Variants in PTPRN2 observed in about 807,000 individuals in gnomAD.
PTPRN2 encodes receptor-type tyrosine-protein phosphatase N2.
In PTPRN2, 74 loss-of-function variants were observed where a neutral mutation model predicts 118.8. The ratio of observed to expected loss-of-function variants is 0.62; its 90% confidence interval spans 0.52 to 0.76. The LOEUF (loss-of-function observed/expected upper bound fraction) is 0.76. Ranked by LOEUF, PTPRN2 falls within the 30% of genes least tolerant of loss-of-function variation. The pLI, the probability that PTPRN2 is intolerant of heterozygous loss-of-function variation, is 0.00. For missense variants in PTPRN2, 1,481 were observed against 1,394.4 expected (o/e 1.06, Z -0.99); for synonymous variants, 641 against 608.0 (o/e 1.05, Z -0.80).
chr7:158,498,009 T>TTCG (rs1405247478), intron 1 of PTPRN2, among the ~76,000 whole-genome samples: 2 of 152,234 alleles, frequency 1.3e-5, no homozygotes, highest in Non-Finnish European at 2.9e-5. Context: ...GCCCCTCCAA[T>TTCG]TCACCTCCAC....
At position 158,152,173 on chromosome 7, in the gene PTPRN2, C is replaced by CAAAAAAAA. The variant is rs56870265; in HGVS notation, c.911-13666_911-13659dup. Among the ~76,000 whole-genome samples the CAAAAAAAA allele has an allele frequency of 2.8e-3, 234 of 82,958 alleles. 7 individuals carry two copies. Among genetic ancestry groups the CAAAAAAAA allele is most frequent in the African/African-American group, 3.6e-3 (79 of 21,744 alleles). 54.4% of individuals were successfully genotyped at this position (82,958 alleles called of 152,430 possible). On this transcript the variant is annotated intron_variant, in intron 6 of 22. Coordinates refer to ENST00000389418, the MANE Select transcript of PTPRN2 (RefSeq NM_002847.5). ...TGGGTGAAAGAGTGAGACTCTGTCT[C>CAAAAAAAA]AAAAAAAAAAAAAAAAAACCATGAA...
intron 12 of PTPRN2, among the ~76,000 whole-genome samples, chr7:157,753,228 T>C (rs1350278394): frequency 6.6e-6 from 1 of 152,202 alleles, no homozygotes; most frequent in Non-Finnish European, 1.5e-5. Context: ...GGCAGTGCCA[T>C]GTGCCAGGCA....
At chr7:158,402,150 C>T (rs1563248211) in intron 2 of PTPRN2, among the ~76,000 whole-genome samples, 1 of 152,144 alleles carries the variant, frequency 6.6e-6, no homozygotes. Context: ...AAAGGGAGAA[C>T]CCCGGAGGAC....
At chr7:158,508,185 A>G (rs545153242) in intron 1 of PTPRN2, among the ~76,000 whole-genome samples, 1 of 151,888 alleles carries the variant, frequency 6.6e-6, no homozygotes, top group South Asian at 2.1e-4. Flanking sequence ...GCGGCAGGAG[A>G]CCACAGGCAT....
At position 158,090,252 on chromosome 7, in the gene PTPRN2, G is replaced by A. The variant is rs578246707; in HGVS notation, c.1644-8875C>T. ...TAGAGCCCTCAGAGGTGTGATACTCGAACAATGTGTTCACATGGGTCCTAT... is the reference window on the plus strand; with the variant it reads ...TAGAGCCCTCAGAGGTGTGATACTCAAACAATGTGTTCACATGGGTCCTAT... On this transcript the variant is annotated intron_variant, in intron 10 of 22. Coordinates refer to ENST00000389418, the MANE Select transcript of PTPRN2 (RefSeq NM_002847.5). Among the ~76,000 whole-genome samples, 9 of 144,318 alleles carry A rather than the reference G, an allele frequency of 6.2e-5. No individual in the cohort carries two copies. In the East Asian group the frequency reaches 1.0e-3, roughly 16 times the overall value. 94.7% of individuals were successfully genotyped at this position (144,318 alleles called of 152,430 possible).
chr7:157,883,087 G>A (rs923719527), intron 12 of PTPRN2, among the ~76,000 whole-genome samples: 1 of 146,684 alleles, frequency 6.8e-6, no homozygotes, highest in African/African-American at 2.5e-5. Flanking sequence ...TTGGAGACCA[G>A]AACACACCAC....
chr7:157,769,045 G>A (rs1802645251), intron 12 of PTPRN2, among the ~76,000 whole-genome samples: 2 of 152,274 alleles, frequency 1.3e-5, no homozygotes, highest in East Asian at 1.9e-4. Context: ...CCGTAATGTT[G>A]GCATAATTTT....
chr7:157,939,494 G>A (rs1273730137), intron 11 of PTPRN2, among the ~76,000 whole-genome samples: 1 of 152,256 alleles, frequency 6.6e-6, no homozygotes, highest in Non-Finnish European at 1.5e-5. Context: ...GTGTGTTGTG[G>A]GTGGAGCTCA....
chr7:158,069,272 C>T (rs900739897), intron 11 of PTPRN2, among the ~76,000 whole-genome samples: 1 of 152,236 alleles, frequency 6.6e-6, no homozygotes, highest in Non-Finnish European at 1.5e-5. Context: ...ATGGTTGTGA[C>T]AGATCACTGC....
At chr7:158,059,620 A>G (rs1489352103) in intron 11 of PTPRN2, among the ~76,000 whole-genome samples, 15 of 99,022 alleles carry the variant, frequency 1.5e-4, no homozygotes, top group African/African-American at 2.4e-4. Flanking sequence ...ACACGGTGAC[A>G]CATCACTGCA....
At chr7:158,175,575 G>C (rs1162280007) in intron 5 of PTPRN2, among the ~76,000 whole-genome samples, 1 of 152,112 alleles carries the variant, frequency 6.6e-6, no homozygotes, top group Non-Finnish European at 1.5e-5. Flanking sequence ...AAATAATTGT[G>C]GTGTCATTCT....
At chr7:158,568,655 T>C (rs887893974) in intron 1 of PTPRN2, among the ~76,000 whole-genome samples, 3 of 152,174 alleles carry the variant, frequency 2.0e-5, no homozygotes, top group Non-Finnish European at 4.4e-5. Context: ...TACAGAAATA[T>C]TCTTTAAAAT....
intron 2 of PTPRN2, among the ~76,000 whole-genome samples, chr7:158,392,161 C>T (rs569835421): frequency 2.6e-5 from 4 of 152,208 alleles, no homozygotes; most frequent in African/African-American, 4.8e-5. Context: ...GGGTGGACCT[C>T]CCCTCTCCCT....
chr7:158,149,320 G>C (rs1016591010), intron 6 of PTPRN2, among the ~76,000 whole-genome samples: 2 of 151,978 alleles, frequency 1.3e-5, no homozygotes, highest in African/African-American at 4.8e-5. Context: ...GTAAATCACT[G>C]CCTATATTTA....
intron 3 of PTPRN2, among the ~76,000 whole-genome samples, chr7:158,284,630 C>T (rs1035908730): frequency 1.5e-4 from 23 of 152,106 alleles, no homozygotes; most frequent in African/African-American, 5.6e-4. Context: ...CCCTTCCTGT[C>T]CCACTCCATA....
chr7:157,928,049 A>C (rs1799128495), intron 11 of PTPRN2, among the ~76,000 whole-genome samples: 1 of 152,180 alleles, frequency 6.6e-6, no homozygotes, highest in South Asian at 2.1e-4. Flanking sequence ...CTTACTGGGA[A>C]CATGACAGGT....
chr7:157,606,784 A>C (rs1291015386), intron 15 of PTPRN2, among the ~76,000 whole-genome samples: 1 of 152,212 alleles, frequency 6.6e-6, no homozygotes, highest in Non-Finnish European at 1.5e-5. Flanking sequence ...TTTTACTTAC[A>C]GTTTTTAAAA....
chr7:158,032,703 G>A (rs1327492854), intron 11 of PTPRN2, among the ~76,000 whole-genome samples: 2 of 152,102 alleles, frequency 1.3e-5, no homozygotes, highest in Non-Finnish European at 2.9e-5. Context: ...TAAAATCACA[G>A]AGCACCAGGC....
At chr7:157,621,273 C>T (rs1036135552) in intron 15 of PTPRN2, 89 bp downstream of exon 15, 252 of 1,464,902 alleles carry the variant, frequency 1.7e-4, no homozygotes, top group Non-Finnish European at 2.2e-4. Flanking sequence ...ACCCTGGCCT[C>T]CTGCCCTCGG....
Sources: allele counts gnomAD v4.1 joint callset (sites outside exome capture counted in the v4.1 genomes callset), GRCh38; gene constraint gnomAD v4.1.1; transcripts MANE v1.5; gene names NCBI Gene and HGNC (gene_info 2026-07-23, HGNC 2026-07-21).